The following C1orf141 variants were observed in gnomAD, a reference collection of about 807,000 sequenced individuals.
The protein encoded by C1orf141 is chromosome 1 open reading frame 141, also known as uncharacterized protein C1orf141.
C1orf141 carries 19 observed loss-of-function variants against 23.2 expected under a neutral mutation model. The observed-to-expected ratio is 0.82, with a 90% confidence interval of 0.57 to 1.20. The LOEUF (loss-of-function observed/expected upper bound fraction) is 1.20, where lower values mean the gene tolerates loss of function less well. Among genes scored for constraint, C1orf141 ranks in the 50% most tolerant of loss-of-function variants. The pLI, the probability that C1orf141 is intolerant of heterozygous loss-of-function variation, is 0.00. For missense variants in C1orf141, 469 were observed against 455.1 expected (o/e 1.03, Z -0.28); for synonymous variants, 153 against 154.6 (o/e 0.99, Z 0.08).
chr1:67,100,069 T>C (rs1645763713), intron 5 of C1orf141, among the ~76,000 whole-genome samples: 1 of 152,230 alleles, frequency 6.6e-6, no homozygotes, highest in Admixed American at 6.5e-5. Flanking sequence ...CATATTTTAA[T>C]GTAATGCACA....
chr1:67,117,900 T>C (rs923166420), intron 4 of C1orf141, among the ~76,000 whole-genome samples: 1 of 152,350 alleles, frequency 6.6e-6, no homozygotes, highest in East Asian at 1.9e-4. Flanking sequence ...TGAACTTCCA[T>C]AGAATATTGA....
At chr1:67,117,148 C>T (rs565242347) in intron 4 of C1orf141, among the ~76,000 whole-genome samples, 99 of 152,248 alleles carry the variant, frequency 6.5e-4, no homozygotes, top group Admixed American at 1.6e-3. Context: ...ATAGGCCGGG[C>T]GCGGTGGCTA....
chr1:67,133,278 T>C (rs1175689571), intron 1 of C1orf141, among the ~76,000 whole-genome samples: 1 of 152,118 alleles, frequency 6.6e-6, no homozygotes, highest in African/African-American at 2.4e-5. Flanking sequence ...ATCTAGAAAA[T>C]GCAGGCTTAA....
intron 4 of C1orf141, among the ~76,000 whole-genome samples, chr1:67,115,956 G>T (rs1646185369): frequency 6.6e-6 from 1 of 152,066 alleles, no homozygotes; most frequent in Admixed American, 6.6e-5. Context: ...TACTCTTTCT[G>T]ACCTCTAAAT....
upstream of C1orf141, among the ~76,000 whole-genome samples, chr1:67,136,721 G>T (rs1323443109): frequency 6.6e-6 from 1 of 152,090 alleles, no homozygotes; most frequent in East Asian, 1.9e-4. Flanking sequence ...TATGGAAAGG[G>T]TATTATCTTT....
chr1:67,135,472 A>T (rs914130385), upstream of C1orf141, among the ~76,000 whole-genome samples: 10 of 152,210 alleles, frequency 6.6e-5, no homozygotes, highest in African/African-American at 2.4e-4. Flanking sequence ...TCACCACTGT[A>T]TTACGCAAGT....
intron 5 of C1orf141, chr1:67,111,708 A>G (rs1646077221): frequency 1.5e-6 from 1 of 681,936 alleles, no homozygotes; most frequent in Non-Finnish European, 2.3e-6. Flanking sequence ...CCAATCAACC[A>G]TTTTCTCCAC....
At chr1:67,099,174 A>T (rs6701962) in intron 5 of C1orf141, among the ~76,000 whole-genome samples, 135,735 of 152,186 alleles carry the variant, frequency 0.89, 60,773 homozygotes, top group East Asian at 0.97. Flanking sequence ...GTACTAAAAA[A>T]GCAGATTGTA....
chr1:67,102,469 G>A (rs1031664928), intron 5 of C1orf141, among the ~76,000 whole-genome samples: 21 of 151,956 alleles, frequency 1.4e-4, no homozygotes, highest in African/African-American at 3.9e-4. Flanking sequence ...AGAAACATAC[G>A]GGGGAGTTGG....
intron 4 of C1orf141, among the ~76,000 whole-genome samples, chr1:67,117,977 G>A (rs1002984651): frequency 6.6e-6 from 1 of 152,112 alleles, no homozygotes; most frequent in Non-Finnish European, 1.5e-5. Context: ...ATTGTTGTAA[G>A]AATTAAGTAA....
chr1:67,096,594 A>C (rs1342139334), intron 5 of C1orf141, among the ~76,000 whole-genome samples: 1 of 152,218 alleles, frequency 6.6e-6, no homozygotes, highest in Admixed American at 6.5e-5. Flanking sequence ...CTAAATTTTC[A>C]AATCTTTCTG....
intron 5 of C1orf141, among the ~76,000 whole-genome samples, chr1:67,110,795 T>C (rs887083631): frequency 1.3e-5 from 2 of 151,390 alleles, no homozygotes; most frequent in Admixed American, 6.6e-5. Flanking sequence ...AAATAAACCA[T>C]GTAGATGAAG....
At chr1:67,103,141 G>T (rs1885276) in intron 5 of C1orf141, 531,098 of 606,244 alleles carry the variant, frequency 0.88, 233,281 homozygotes, top group East Asian at 0.98. Context: ...GATCAAAGAC[G>T]AATATTCCTT....
At chr1:67,120,347 G>A (rs1218211901) in intron 4 of C1orf141, among the ~76,000 whole-genome samples, 1 of 152,176 alleles carries the variant, frequency 6.6e-6, no homozygotes, top group Non-Finnish European at 1.5e-5. Context: ...ATATTTAGTT[G>A]AGAGTTTGGA....
At chr1:67,132,294 T>C (rs2024825) in intron 1 of C1orf141, among the ~76,000 whole-genome samples, 125,193 of 151,636 alleles carry the variant, frequency 0.83, 51,705 homozygotes, top group East Asian at 0.92. Context: ...CTGAGGCAGG[T>C]GGATCACTTC....
In C1orf141 at chr1:67,109,711, A is replaced by G. The variant is rs930767167; in HGVS notation, c.346+5641T>C. Among the ~76,000 whole-genome samples the G allele has an allele frequency of 2.0e-5, 3 of 152,138 alleles. No individual in the cohort carries two copies. The South Asian group carries it at 6.2e-4, about 31-fold the overall frequency. Reference sequence around the variant, plus strand: ...GTGCCTCTTTTTTCTCAGGGATAATAGTATTTACGTCATTGGGTTGTTGAG... The same window carrying G: ...GTGCCTCTTTTTTCTCAGGGATAATGGTATTTACGTCATTGGGTTGTTGAG... On this transcript the variant is annotated intron_variant, in intron 5 of 7. Transcript: ENST00000684719.
At chr1:67,139,278 G>A (rs569943495), upstream of C1orf141, 2 of 152,186 alleles carry the variant, frequency 1.3e-5, no homozygotes, top group African/African-American at 4.8e-5. Flanking sequence ...AAAATGGATA[G>A]ATTAACTATC....
chr1:67,135,906 C>CAAAAAAAAAAAA (rs59519661), upstream of C1orf141, among the ~76,000 whole-genome samples: 16 of 62,584 alleles, frequency 2.6e-4, 2 homozygotes, highest in African/African-American at 6.8e-4. Context: ...GGCAAAACTG[C>CAAAAAAAAAAAA]AAAAAAAAAA....
intron 4 of C1orf141, chr1:67,123,290 A>G (rs2102486297): frequency 6.6e-6 from 1 of 152,170 alleles, no homozygotes; most frequent in Middle Eastern, 3.4e-3. Context: ...GGAGATTGAC[A>G]GCTTTTCTTT....
Sources: allele counts gnomAD v4.1 joint callset (sites outside exome capture counted in the v4.1 genomes callset), GRCh38; gene constraint gnomAD v4.1.1; transcripts MANE v1.5; gene names NCBI Gene and HGNC (gene_info 2026-07-23, HGNC 2026-07-21).